The following PARP6 variants were observed in gnomAD, a reference collection of about 807,000 sequenced individuals.
PARP6 encodes protein mono-ADP-ribosyltransferase PARP6.
Under a neutral mutation model 92.0 loss-of-function variants are expected in PARP6, and 27 were observed. The observed-to-expected ratio is 0.29, with a 90% confidence interval of 0.22 to 0.40. The LOEUF is 0.40. Ranked by LOEUF, PARP6 falls within the 10% of genes least tolerant of loss-of-function variation. PARP6 has a pLI of 1.00. For missense variants in PARP6, 501 were observed against 784.5 expected, an observed-to-expected ratio of 0.64 and a Z score of 4.32; for synonymous variants, 272 against 281.2, an observed-to-expected ratio of 0.97 and a Z score of 0.33.
At chr15:72,269,681 C>A (rs1321955453) in intron 2 of PARP6, among the ~76,000 whole-genome samples, 1 of 151,740 alleles carries the variant, frequency 6.6e-6, no homozygotes, top group African/African-American at 2.4e-5. Context: ...GGGCAGGACA[C>A]CTGAGGTCAG....
chr15:72,267,040 G>T, intron 3 of PARP6: 1 of 536,198 alleles, frequency 1.9e-6, no homozygotes, highest in Non-Finnish European at 3.3e-6. Context: ...GTGGGACAGA[G>T]GAAAACATCT....
chr15:72,268,443 C>T (rs1284177837), intron 2 of PARP6, among the ~76,000 whole-genome samples: 1 of 152,232 alleles, frequency 6.6e-6, no homozygotes, highest in African/African-American at 2.4e-5. Flanking sequence ...TATACGGCAA[C>T]AATAGCTAAC....
At chr15:72,249,925 C>A in intron 19 of PARP6, 95 bp downstream of exon 19, 1 of 792,044 alleles carries the variant, frequency 1.3e-6, no homozygotes, top group South Asian at 1.4e-5. Context: ...CTTGAGGACA[C>A]TGAGGCAAAA....
At position 72,267,612 on chromosome 15, in the gene PARP6, C is replaced by A; in HGVS notation, c.-135G>T. The A allele has an allele frequency of 1.1e-6, 1 of 883,180 alleles. No homozygotes were observed. The highest frequency in any genetic ancestry group is 1.9e-6 in the Non-Finnish European group (1 of 530,620). 54.7% of individuals were successfully genotyped at this position (883,180 alleles called of 1,614,324 possible). On this transcript the variant is annotated 5_prime_UTR_variant, in exon 3 of 24. Coordinates refer to ENST00000569795, the MANE Select transcript of PARP6 (RefSeq NM_001323532.2). ...ACAAGGTAGGGCACGATGTCAGGGA[C>A]AACTGGTGATCTGTTGGGGATGGCA...
intron 5 of PARP6, 80 bp downstream of exon 5, chr15:72,265,817 T>C (rs556381095): frequency 3.2e-6 from 3 of 946,768 alleles, no homozygotes; most frequent in Admixed American, 3.8e-5. Context: ...TATCATACCA[T>C]AAAAAGAAAA....
At chr15:72,260,079 T>C (rs1442894074) in intron 10 of PARP6, among the ~76,000 whole-genome samples, 1 of 152,312 alleles carries the variant, frequency 6.6e-6, no homozygotes, top group East Asian at 1.9e-4. Context: ...CCCAGCACTT[T>C]GGGAGGTGAA....
In PARP6 at chr15:72,264,284, C is replaced by T. The variant is rs989715803; in HGVS notation, c.395+271G>A. On this transcript the variant is annotated intron_variant, in intron 8 of 23. Transcript: ENST00000569795. ...CACTAGAGAAATATGAATAGCATGA[C>T]TCTGATTTCAGGGTAGTAAAAATGC... 4.6e-5 allele frequency among the ~76,000 whole-genome samples: 7 copies of T among 152,190 alleles called. No individual in the cohort carries two copies. The East Asian group carries it at 1.3e-3, about 29-fold the overall frequency.
intron 8 of PARP6, among the ~76,000 whole-genome samples, chr15:72,263,045 C>T (rs186079664): frequency 7.9e-4 from 120 of 152,254 alleles, no homozygotes; most frequent in Non-Finnish European, 1.1e-3. Flanking sequence ...ATTGACATTT[C>T]GGATAAGCAT....
chr15:72,259,139 T>C (rs7161909), intron 11 of PARP6, among the ~76,000 whole-genome samples: 9,001 of 152,214 alleles, frequency 0.059, 462 homozygotes, highest in East Asian at 0.16. Flanking sequence ...TGACTCTTGA[T>C]AGCAAGAGGA....
chr15:72,250,014 C>A lies in PARP6; in HGVS notation c.1491+6G>T, dbSNP rs757275868. The A allele has an allele frequency of 6.3e-7, 1 of 1,580,832 alleles. No homozygotes were observed. Among genetic ancestry groups the A allele is most frequent in the Non-Finnish European group, 8.7e-7 (1 of 1,149,514 alleles). ...AGAAATAAAGGAGAAAGGGGCACAGCCTCACCTGCAGTTTGGTGTAGGATG... is the reference window on the plus strand; with the variant it reads ...AGAAATAAAGGAGAAAGGGGCACAGACTCACCTGCAGTTTGGTGTAGGATG... On this transcript the variant is annotated splice_donor_region_variant and intron_variant, in intron 19 of 23. Coordinates refer to ENST00000569795, the MANE Select transcript of PARP6 (RefSeq NM_001323532.2).
rs28703826 is a variant in PARP6 at position 72,263,480 on chromosome 15, C to T, written c.395+1075G>A. ...TGGTTTTTAAAAATAAATCTGACCACGTCATTTCTTTCCCTAAACCCTTCA... is the reference window on the plus strand; with the variant it reads ...TGGTTTTTAAAAATAAATCTGACCATGTCATTTCTTTCCCTAAACCCTTCA... On this transcript the variant is annotated intron_variant, in intron 8 of 23. Transcript: ENST00000569795. Among the ~76,000 whole-genome samples, 651 of 152,250 alleles carry T rather than the reference C, an allele frequency of 4.3e-3. 6 individuals carry two copies. Among genetic ancestry groups the T allele is most frequent in the African/African-American group, 0.015 (622 of 41,540 alleles).
At chr15:72,255,632 A>G (rs937677946) in intron 14 of PARP6, among the ~76,000 whole-genome samples, 3 of 151,926 alleles carry the variant, frequency 2.0e-5, no homozygotes, top group South Asian at 4.2e-4. Flanking sequence ...GCAGCCTGCT[A>G]ACTGTAGATA....
Position 72,260,585 on chromosome 15 carries a change from T to C in PARP6, c.649A>G (p.Met217Val). Reference sequence around the variant, plus strand: ...AACACTTCCACTTTGGGGTTCTTCATGGTACAGGAGATGGAACGGTTCATG... The same window carrying C: ...AACACTTCCACTTTGGGGTTCTTCACGGTACAGGAGATGGAACGGTTCATG... ...RLMNRSISCT[M>V]KNPKVEVFGY... Residue 217 changes from methionine (M) to valine (V), a missense_variant, in exon 10 of 24, where the codon ATG (methionine) becomes GTG (valine). This residue lies in a region of PARP6 where 291 missense variants were observed against 352.0 expected (regional missense o/e 0.83). Transcript: ENST00000569795. 6.2e-7 allele frequency: 1 copy of C among 1,614,150 alleles called. No homozygotes were observed. Among genetic ancestry groups the C allele is most frequent in the Non-Finnish European group, 8.5e-7 (1 of 1,180,034 alleles).
At chr15:72,266,930 T>C (rs1161591884) in intron 3 of PARP6, 108 bp from the exon 4 acceptor site, 17 of 843,550 alleles carry the variant, frequency 2.0e-5, no homozygotes, top group Admixed American at 1.8e-4. Flanking sequence ...TTGGGAAATA[T>C]AGAATAACTG....
chr15:72,270,189 C>A (rs8034892), intron 2 of PARP6, among the ~76,000 whole-genome samples: 146,854 of 152,210 alleles, frequency 0.96, 71,076 homozygotes, highest in East Asian at 1. Flanking sequence ...AACATGCAAA[C>A]GGAAAGTATA....
chr15:72,249,796 A>C (rs1475263939), intron 19 of PARP6, among the ~76,000 whole-genome samples: 1 of 152,218 alleles, frequency 6.6e-6, no homozygotes, highest in African/African-American at 2.4e-5. Context: ...GCTTACAGGT[A>C]CATTCCCATT....
chr15:72,271,922 C>T (rs1469956737), intron 1 of PARP6, among the ~76,000 whole-genome samples: 1 of 152,180 alleles, frequency 6.6e-6, no homozygotes, highest in Non-Finnish European at 1.5e-5. Context: ...GGTCCATGGG[C>T]GCTTCTCTAG....
At chr15:72,249,049 A>T (rs2083984782) in intron 20 of PARP6, 196 bp downstream of exon 20, 4 of 415,246 alleles carry the variant, frequency 9.6e-6, no homozygotes, top group Non-Finnish European at 1.7e-5. Context: ...TTTTAACAAT[A>T]ACTGGCCTCA....
intron 20 of PARP6, 43 bp downstream of exon 20, chr15:72,249,202 G>A (rs765508963): frequency 8.2e-6 from 9 of 1,104,030 alleles, no homozygotes; most frequent in African/African-American, 1.5e-5. Context: ...CACAAATGGA[G>A]GCAATGTAAA....
Sources: gnomAD v4.1 joint callset for allele counts (sites outside exome capture counted in the v4.1 genomes callset) on GRCh38, gnomAD v4.1.1 for gene constraint, gnomAD v4.1.1 regional missense constraint, MANE v1.5 for transcripts, NCBI Gene and HGNC (gene_info 2026-07-23, HGNC 2026-07-21) for gene names.